Variants in CARMIL1 observed in about 807,000 individuals in gnomAD.
CARMIL1 encodes capping protein regulator and myosin 1 linker 1.
A neutral mutation model predicts 177.1 loss-of-function variants in CARMIL1; 90 were observed. That is an observed-to-expected ratio of 0.51 (90% CI 0.43 to 0.61). The LOEUF is 0.61. Ranked by LOEUF, CARMIL1 falls within the 20% of genes least tolerant of loss-of-function variation. The probability of loss-of-function intolerance (pLI) is 0.00; values close to 1 mark genes in which losing one functional copy is unlikely to be tolerated. For missense variants in CARMIL1, 1,380 were observed against 1,667.0 expected (o/e 0.83, Z 3.00); for synonymous variants, 577 against 606.2 (o/e 0.95, Z 0.71).
At chr6:25,340,374 G>A (rs959837630) in intron 2 of CARMIL1, among the ~76,000 whole-genome samples, 11 of 152,150 alleles carry the variant, frequency 7.2e-5, no homozygotes, top group Non-Finnish European at 1.5e-4. Flanking sequence ...TTGTCACAAC[G>A]TTTTGAGTGT....
chr6:25,537,966 G>T lies in CARMIL1; in HGVS notation c.2179G>T (p.Ala727Ser). 6.2e-7 allele frequency: 1 copy of T among 1,602,592 alleles called. No homozygotes were observed. The highest frequency in any genetic ancestry group is 2.2e-5 in the East Asian group (1 of 44,624). The change falls in exon 25 of 37, where the codon GCT becomes TCT. Residue 727 changes from alanine (A) to serine (S), a missense_variant. Physicochemically the swap from Ala to Ser is moderately conservative, Grantham distance 99. Transcript: ENST00000329474. ...ATCAGCAGAGCGGCTCATGCGTGAT[G>T]CTAAGAACTCTAAAACGGTGAGTTT... ...LKSAERLMRD[A>S]KNSKTLLPNL...
chr6:25,316,624 C>T (rs1335158870), intron 2 of CARMIL1, among the ~76,000 whole-genome samples: 1 of 152,074 alleles, frequency 6.6e-6, no homozygotes, highest in East Asian at 1.9e-4. Flanking sequence ...GTTGGTCAGG[C>T]TGGTCTTGAA....
At chr6:25,279,950 C>A in intron 1 of CARMIL1, 115 bp downstream of exon 1, 1 of 1,254,048 alleles carries the variant, frequency 8.0e-7, no homozygotes. Flanking sequence ...CCCCTTAGGG[C>A]AGAGTGGTGT....
intron 8 of CARMIL1, among the ~76,000 whole-genome samples, chr6:25,451,670 G>T (rs751828207): frequency 4.6e-5 from 7 of 152,080 alleles, no homozygotes; most frequent in African/African-American, 1.7e-4. Flanking sequence ...AGTCGAGCCC[G>T]GCCCTATTCC....
rs545007651 is a variant in CARMIL1, at chr6:25,412,716, G to A, written c.139-7398G>A. Among the ~76,000 whole-genome samples the A allele has an allele frequency of 4.6e-5, 7 of 152,110 alleles. No homozygotes were observed. In the South Asian group the frequency reaches 1.5e-3, roughly 32 times the overall value. On this transcript the variant is annotated intron_variant, in intron 2 of 36. Transcript: ENST00000329474. Reference sequence around the variant, plus strand: ...TTATTCTCTAAACCACTAGACCAGGGGTCAGTAACCATATCTTGGGCTTTA... The same window carrying A: ...TTATTCTCTAAACCACTAGACCAGGAGTCAGTAACCATATCTTGGGCTTTA...
At chr6:25,459,210 TTTTCTTTCTTTCTTTCTTTCTTTC>T (rs5875042) in intron 8 of CARMIL1, among the ~76,000 whole-genome samples, 19 of 80,178 alleles carry the variant, frequency 2.4e-4, no homozygotes, top group African/African-American at 7.1e-4. Context: ...GATCCCAACT[TTTTCTTTCTTTCTTTCTTTCTTTC>T]TTTCTTTCTT....
chr6:25,404,076 T>C (rs1209507223), intron 2 of CARMIL1, among the ~76,000 whole-genome samples: 1 of 152,196 alleles, frequency 6.6e-6, no homozygotes, highest in Non-Finnish European at 1.5e-5. Flanking sequence ...GGAAGACACA[T>C]CCTCTGGTGT....
At chr6:25,351,104 G>T (rs1229517123) in intron 2 of CARMIL1, among the ~76,000 whole-genome samples, 1 of 152,034 alleles carries the variant, frequency 6.6e-6, no homozygotes, top group Non-Finnish European at 1.5e-5. Flanking sequence ...GATCTTTGTG[G>T]CCCTCTATGG....
At chr6:25,488,021 A>C (rs937668122) in intron 12 of CARMIL1, among the ~76,000 whole-genome samples, 9 of 152,326 alleles carry the variant, frequency 5.9e-5, no homozygotes, top group African/African-American at 2.2e-4. Flanking sequence ...AATGTAATAC[A>C]TTTAAGAAGA....
chr6:25,447,732 G>T (rs1030757483), intron 5 of CARMIL1, among the ~76,000 whole-genome samples: 4 of 151,816 alleles, frequency 2.6e-5, no homozygotes, highest in Non-Finnish European at 5.9e-5. Flanking sequence ...CTCCCCCTCT[G>T]ACTACAGCCT....
chr6:25,367,474 A>C (rs1197344317), intron 2 of CARMIL1, among the ~76,000 whole-genome samples: 1 of 151,356 alleles, frequency 6.6e-6, no homozygotes, highest in African/African-American at 2.4e-5. Context: ...GTCTGGAAGG[A>C]CCTCCTAGGG....
chr6:25,549,519 G>C (rs1431555205), intron 26 of CARMIL1, among the ~76,000 whole-genome samples: 1 of 152,166 alleles, frequency 6.6e-6, no homozygotes, highest in Non-Finnish European at 1.5e-5. Flanking sequence ...TATTCAACCA[G>C]AGTTATAATG....
At chr6:25,379,445 G>A (rs1356485801) in intron 2 of CARMIL1, among the ~76,000 whole-genome samples, 1 of 152,184 alleles carries the variant, frequency 6.6e-6, no homozygotes, top group East Asian at 1.9e-4. Context: ...GACCATGAAG[G>A]ATGTGTAGAA....
At position 25,556,728 on chromosome 6, in the gene CARMIL1, A is replaced by T. The variant is rs747470812; in HGVS notation, c.2620A>T (p.Thr874Ser). ...TGACCATTTCAGCAGACGTGGCAAG[A>T]CCCTTCCTCAACAAGAATCCTTAGA... ...LADHFSRRGKTLPQQESLEIE... is the reference protein window; with the variant it reads ...LADHFSRRGKSLPQQESLEIE... The change falls in exon 29 of 37, where the codon ACC (threonine) becomes TCC (serine). Residue 874 changes from threonine to serine, a missense_variant. Coordinates refer to ENST00000329474, the MANE Select transcript of CARMIL1 (RefSeq NM_017640.6). The T allele has an allele frequency of 1.7e-5, 27 of 1,613,124 alleles. No individual in the cohort carries two copies. Among genetic ancestry groups the T allele is most frequent in the Non-Finnish European group, 2.3e-5 (27 of 1,179,592 alleles).
chr6:25,289,825 G>C (rs532031320), intron 2 of CARMIL1, among the ~76,000 whole-genome samples: 58 of 152,216 alleles, frequency 3.8e-4, no homozygotes, highest in Admixed American at 9.8e-4. Context: ...CCATTGGCTA[G>C]TTGATGGACA....
At chr6:25,456,595 C>T (rs1433574962) in intron 8 of CARMIL1, among the ~76,000 whole-genome samples, 2 of 152,024 alleles carry the variant, frequency 1.3e-5, no homozygotes, top group East Asian at 1.9e-4. Context: ...TGGGATTTCT[C>T]GAAGGTCTGT....
intron 2 of CARMIL1, among the ~76,000 whole-genome samples, chr6:25,377,393 C>A (rs1178416412): frequency 6.6e-6 from 1 of 152,122 alleles, no homozygotes; most frequent in East Asian, 1.9e-4. Context: ...TGGAGTGCTC[C>A]CTTGATGTCA....
chr6:25,354,587 A>G (rs1199812681), intron 2 of CARMIL1, among the ~76,000 whole-genome samples: 1 of 152,172 alleles, frequency 6.6e-6, no homozygotes, highest in East Asian at 1.9e-4. Context: ...TAGAATATCC[A>G]TGCATCTTGT....
intron 35 of CARMIL1, 117 bp downstream of exon 35, chr6:25,606,390 G>A: frequency 1.2e-6 from 1 of 852,478 alleles, no homozygotes; most frequent in Non-Finnish European, 1.8e-6. Context: ...AGCGGCTTCT[G>A]CAGGAGGGGA....
Sources: gnomAD v4.1 joint callset for allele counts (sites outside exome capture counted in the v4.1 genomes callset) on GRCh38, gnomAD v4.1.1 for gene constraint, MANE v1.5 for transcripts, NCBI Gene and HGNC (gene_info 2026-07-23, HGNC 2026-07-21) for gene names.